Variants in KAT6B observed in about 807,000 individuals in gnomAD.
KAT6B encodes the protein histone acetyltransferase KAT6B.
In KAT6B, 10 loss-of-function variants were observed where a neutral mutation model predicts 187.5. The ratio of observed to expected loss-of-function variants is 0.05; its 90% CI spans 0.03 to 0.09. KAT6B has a LOEUF of 0.09. Among genes scored for constraint, KAT6B ranks in the 10% least tolerant of loss-of-function variants. KAT6B has a pLI of 1.00. For missense variants in KAT6B, 1,952 were observed against 2,558.9 expected (o/e 0.76, Z 5.12); for synonymous variants, 861 against 926.8 (o/e 0.93, Z 1.29).
At chr10:74,935,405 C>T (rs1441783264) in intron 3 of KAT6B, among the ~76,000 whole-genome samples, 2 of 148,770 alleles carry the variant, frequency 1.3e-5, no homozygotes, top group East Asian at 2.0e-4. Flanking sequence ...TTTTTTGAGA[C>T]AGAGTCTCGC....
intron 13 of KAT6B, among the ~76,000 whole-genome samples, chr10:75,017,988 G>T (rs956412368): frequency 3.3e-5 from 5 of 152,184 alleles, no homozygotes; most frequent in Admixed American, 6.5e-5. Flanking sequence ...GTTCCTTGAG[G>T]GTCTCATGAG....
intron 3 of KAT6B, among the ~76,000 whole-genome samples, chr10:74,848,111 G>A (rs1475588899): frequency 6.6e-6 from 1 of 151,790 alleles, no homozygotes; most frequent in East Asian, 1.9e-4. Flanking sequence ...TAGAGACGGG[G>A]TTTCACCATG....
At chr10:74,957,881 A>G (rs1044395941) in intron 3 of KAT6B, among the ~76,000 whole-genome samples, 10 of 152,228 alleles carry the variant, frequency 6.6e-5, no homozygotes, top group Non-Finnish European at 1.2e-4. Context: ...TCTGGCATTT[A>G]AAAAACTGTG....
chr10:74,942,598 G>A (rs1362097996), intron 3 of KAT6B, among the ~76,000 whole-genome samples: 1 of 151,106 alleles, frequency 6.6e-6, no homozygotes, highest in South Asian at 2.1e-4. Context: ...AAACCCTATC[G>A]CTACTAAAAG....
chr10:74,947,673 A>AGTTTACCCTTAGTAGGCTTTCTACT (rs549818029), intron 3 of KAT6B, among the ~76,000 whole-genome samples: 1 of 152,150 alleles, frequency 6.6e-6, no homozygotes, highest in Non-Finnish European at 1.5e-5. Flanking sequence ...TTCTTCCTAC[A>AGTTTACCCTTAGTAGGCTTTCTACT]GTTTACCCTT....
Position 74,843,256 on chromosome 10 carries a change from C to T in KAT6B, c.399C>T (p.Leu133=). 6.2e-7 allele frequency: 1 copy of T among 1,614,160 alleles called. No homozygotes were observed. Among genetic ancestry groups the T allele is most frequent in the Non-Finnish European group, 8.5e-7 (1 of 1,180,030 alleles). ...CCCTGAAGAACATAGAGAAGTATCT[C>T]AGAAGTCAAAGTGATCTCACAAGCA... ...GSSLKNIEKY[L]RSQSDLTSTT... Residue 133 remains leucine, a synonymous_variant, in exon 3 of 18, where the codon CTC becomes CTT. Coordinates refer to ENST00000287239, the MANE Select transcript of KAT6B (RefSeq NM_012330.4).
At chr10:74,892,225 A>G (rs560247401) in intron 3 of KAT6B, among the ~76,000 whole-genome samples, 1 of 152,280 alleles carries the variant, frequency 6.6e-6, no homozygotes, top group South Asian at 2.1e-4. Flanking sequence ...CAAATTAGCC[A>G]GGCATGGTGG....
intron 3 of KAT6B, among the ~76,000 whole-genome samples, chr10:74,924,497 A>G (rs1478220334): frequency 3.9e-5 from 6 of 152,242 alleles, no homozygotes; most frequent in African/African-American, 1.4e-4. Context: ...TTAGGCAACA[A>G]TTCAAAGAAT....
chr10:74,874,413 T>C (rs1296508488), intron 3 of KAT6B, among the ~76,000 whole-genome samples: 1 of 152,158 alleles, frequency 6.6e-6, no homozygotes, highest in East Asian at 1.9e-4. Flanking sequence ...AGAGTCTTGC[T>C]CTGTCGCTCA....
rs80288571 is a variant in KAT6B at position 74,899,883 on chromosome 10, T to G, written c.621+56405T>G. Reference sequence around the variant, plus strand: ...CTTATATTTAAGCAAACTTTATTGTTTTTAACATAGCAAAACAATTAATAA... The same window carrying G: ...CTTATATTTAAGCAAACTTTATTGTGTTTAACATAGCAAAACAATTAATAA... On this transcript the variant is annotated intron_variant, in intron 3 of 17. Transcript: ENST00000287239. Among the ~76,000 whole-genome samples, 131 of 152,324 alleles carry G rather than the reference T, an allele frequency of 8.6e-4. 3 individuals carry two copies. The East Asian group carries it at 0.023, about 26-fold the overall frequency.
intron 3 of KAT6B, among the ~76,000 whole-genome samples, chr10:74,896,845 GC>G (rs2132706530): frequency 6.6e-6 from 1 of 152,238 alleles, no homozygotes; most frequent in East Asian, 1.9e-4. Flanking sequence ...TTTTAAATGT[GC>G]TGCTTTAAAT....
At chr10:74,858,640 C>T (rs1436571101) in intron 3 of KAT6B, among the ~76,000 whole-genome samples, 1 of 152,038 alleles carries the variant, frequency 6.6e-6, no homozygotes. Context: ...TAAATGCCCA[C>T]AGGGTGCATG....
intron 1 of KAT6B, among the ~76,000 whole-genome samples, chr10:74,830,748 A>ATATATATATATATATATATATATG (rs1840716302): frequency 1.2e-3 from 23 of 19,052 alleles, no homozygotes; most frequent in South Asian, 2.5e-3. Flanking sequence ...ATATATATAT[A>ATATATATATATATATATATATATG]TATATATATA....
chr10:74,977,552 T>G, intron 9 of KAT6B, 115 bp downstream of exon 9: 1 of 1,318,518 alleles, frequency 7.6e-7, no homozygotes, highest in Admixed American at 1.7e-5. Flanking sequence ...TTTGTGATTC[T>G]TTAGCCGTTA....
Position 74,843,379 on chromosome 10 carries a change from C to T in KAT6B, c.522C>T (p.Val174=), listed in dbSNP as rs1443645272. ...RLLKDGPQYR[V]NYGSLDGKGA... ...TGAAAGACGGACCGCAGTACAGGGT[C>T]AATTATGGGAGCTTAGATGGCAAAG... Residue 174 remains valine (V), a synonymous_variant, in exon 3 of 18, where the codon GTC becomes GTT. Transcript: ENST00000287239. 2 of 1,613,752 alleles carry T rather than the reference C, an allele frequency of 1.2e-6. No homozygotes were observed. The highest frequency in any genetic ancestry group is 2.2e-5 in the South Asian group (2 of 91,008).
At chr10:74,917,034 A>G (rs976629431) in intron 3 of KAT6B, among the ~76,000 whole-genome samples, 1 of 152,112 alleles carries the variant, frequency 6.6e-6, no homozygotes, top group Non-Finnish European at 1.5e-5. Flanking sequence ...GAGCCTGGGA[A>G]GTGGAGGCTG....
intron 13 of KAT6B, among the ~76,000 whole-genome samples, chr10:75,015,258 A>G (rs932234630): frequency 1.3e-5 from 2 of 152,202 alleles, no homozygotes; most frequent in African/African-American, 4.8e-5. Context: ...CCAATCTCTT[A>G]AAAGTAAAAT....
intron 3 of KAT6B, among the ~76,000 whole-genome samples, chr10:74,915,065 A>G (rs1219750206): frequency 6.6e-6 from 1 of 152,210 alleles, no homozygotes; most frequent in Non-Finnish European, 1.5e-5. Flanking sequence ...GAGCCACTGC[A>G]CTTTAGCTTG....
chr10:74,997,969 G>A (rs1285632744), intron 13 of KAT6B, among the ~76,000 whole-genome samples: 15 of 152,032 alleles, frequency 9.9e-5, no homozygotes, highest in Admixed American at 7.9e-4. Flanking sequence ...GAAAATAGCC[G>A]GGCGTGGTGA....
Sources: gnomAD v4.1 joint callset for allele counts (sites outside exome capture counted in the v4.1 genomes callset) on GRCh38, gnomAD v4.1.1 for gene constraint, MANE v1.5 for transcripts, NCBI Gene and HGNC (gene_info 2026-07-23, HGNC 2026-07-21) for gene names.